Variants in BTD observed in about 807,000 individuals in gnomAD.
BTD encodes biocytinase.
BTD carries 13 observed loss-of-function variants against 17.7 expected under a neutral mutation model. The ratio of observed to expected loss-of-function variants is 0.74; its 90% CI spans 0.48 to 1.17. BTD has a LOEUF of 1.17. BTD is among the 50% of genes most tolerant of loss of function. The pLI is 0.00. For missense variants in BTD, 674 were observed against 650.4 expected (o/e 1.04, Z -0.39); for synonymous variants, 240 against 245.2 (o/e 0.98, Z 0.20).
intron 3 of BTD, among the ~76,000 whole-genome samples, chr3:15,703,582 G>A (rs1403250431): frequency 6.6e-6 from 1 of 152,200 alleles, no homozygotes; most frequent in Non-Finnish European, 1.5e-5. Flanking sequence ...GAATGTGCTG[G>A]TGCCTTGATA....
intron 3 of BTD, chr3:15,667,904 A>G (rs1429341274): frequency 1.3e-5 from 2 of 152,234 alleles, no homozygotes; most frequent in Non-Finnish European, 2.9e-5. Flanking sequence ...ATTTCATTAG[A>G]TGTGGTAAAT....
At chr3:15,706,717 G>T (rs1203158911) in intron 3 of BTD, among the ~76,000 whole-genome samples, 2 of 152,184 alleles carry the variant, frequency 1.3e-5, no homozygotes, top group African/African-American at 4.8e-5. Flanking sequence ...CAGTATAAAA[G>T]TGTTCCTATT....
At chr3:15,605,477 T>TA (rs2064420814) in intron 1 of BTD, among the ~76,000 whole-genome samples, 1 of 152,170 alleles carries the variant, frequency 6.6e-6, no homozygotes, top group South Asian at 2.1e-4. Context: ...AACCAAACCA[T>TA]ATCAGGGACC....
chr3:15,670,225 C>A, intron 3 of BTD: 1 of 1,578,180 alleles, frequency 6.3e-7, no homozygotes, highest in African/African-American at 1.4e-5. Flanking sequence ...CCTGAAAAAG[C>A]ACAGTTTGAA....
At chr3:15,679,335 C>T in intron 3 of BTD, 2 of 1,613,962 alleles carry the variant, frequency 1.2e-6, no homozygotes, top group Non-Finnish European at 1.7e-6. Flanking sequence ...ACAATGCTGG[C>T]ACCTAATGTA....
chr3:15,643,969 A>AATTAATTTATTT (rs1403294175), intron 3 of BTD, among the ~76,000 whole-genome samples: 1 of 138,014 alleles, frequency 7.2e-6, no homozygotes, highest in Admixed American at 7.3e-5. Flanking sequence ...TCATTTATTT[A>AATTAATTTATTT]ATTTATTTAT....
Position 15,621,923 on chromosome 3 carries a change from A to G in BTD, c.-16-13501A>G, listed in dbSNP as rs542910270. ...ACATCAGTTTCTTAAATTGACATCT[A>G]GGTTATCAAATTTTGGGGCATAAAG... is the stretch of plus-strand genomic sequence containing the variant. On this transcript the variant is annotated intron_variant, in intron 1 of 3. Transcript: ENST00000643237. Among the ~76,000 whole-genome samples, 9 of 152,280 alleles carry G rather than the reference A, an allele frequency of 5.9e-5. No individual in the cohort carries two copies. In the South Asian group the frequency reaches 1.5e-3, roughly 25 times the overall value.
intron 1 of BTD, chr3:15,602,341 TGCTACTAATCCATA>T: frequency 9.6e-7 from 1 of 1,039,122 alleles, no homozygotes; most frequent in Non-Finnish European, 1.2e-6. Context: ...CTCCAGCCCT[TGCTACTAATCCATA>T]TTACTCTCCG....
At chr3:15,702,344 T>C (rs1301862698) in intron 3 of BTD, among the ~76,000 whole-genome samples, 1 of 152,150 alleles carries the variant, frequency 6.6e-6, no homozygotes, top group Non-Finnish European at 1.5e-5. Context: ...GTGAACTTCA[T>C]TAGAGGGTGG....
intron 1 of BTD, among the ~76,000 whole-genome samples, chr3:15,602,491 C>T (rs2064295857): frequency 1.3e-5 from 2 of 152,298 alleles, no homozygotes; most frequent in African/African-American, 4.8e-5. Context: ...TTGCAATGTG[C>T]AATATCTGAA....
At position 15,653,482 on chromosome 3, in the gene BTD, C is replaced by T. The variant is rs1296826417; in HGVS notation, c.*7994C>T. ...TAATGCACAGCCAGTGTTTCAACGT[C>T]GCCAACCCAGAAATGTTTTCTCTCC... is the stretch of plus-strand genomic sequence containing the variant. On this transcript the variant is annotated 3_prime_UTR_variant, in exon 4 of 4. Coordinates refer to ENST00000643237, the MANE Select transcript of BTD (RefSeq NM_001370658.1). Among the ~76,000 whole-genome samples, 3 of 152,252 alleles carry T rather than the reference C, an allele frequency of 2.0e-5. No individual in the cohort carries two copies. Among genetic ancestry groups the T allele is most frequent in the Non-Finnish European group, 2.9e-5 (2 of 68,044 alleles).
chr3:15,608,888 T>C (rs191236333), intron 1 of BTD, among the ~76,000 whole-genome samples: 2 of 152,334 alleles, frequency 1.3e-5, no homozygotes, highest in African/African-American at 4.8e-5. Flanking sequence ...TGTTGAAATA[T>C]TTTCTGTTTT....
chr3:15,645,805 A>T lies in BTD; in HGVS notation c.*317A>T. 4 of 255,166 alleles carry T rather than the reference A, an allele frequency of 1.6e-5. No homozygotes were observed. Among genetic ancestry groups the T allele is most frequent in the Non-Finnish European group, 2.2e-5 (3 of 134,182 alleles). 15.8% of individuals were successfully genotyped at this position (255,166 alleles called of 1,614,324 possible). A position where few individuals can be genotyped will look rare whatever the true frequency, so the allele number is the denominator to read the frequency against. On this transcript the variant is annotated 3_prime_UTR_variant, in exon 4 of 4. Coordinates refer to ENST00000643237, the MANE Select transcript of BTD (RefSeq NM_001370658.1). ...AAAACAAAAATAAATGTCAGTTTAT[A>T]TTTTACACATCCACAAAGCAGTGGC...
At chr3:15,680,118 T>C (rs951189344) in intron 3 of BTD, among the ~76,000 whole-genome samples, 14 of 152,220 alleles carry the variant, frequency 9.2e-5, no homozygotes, top group Non-Finnish European at 2.1e-4. Flanking sequence ...TTTATTTTTT[T>C]CTTAATGGCA....
chr3:15,690,676 C>T (rs1443681822), intron 3 of BTD, among the ~76,000 whole-genome samples: 1 of 152,106 alleles, frequency 6.6e-6, no homozygotes, highest in Non-Finnish European at 1.5e-5. Flanking sequence ...GTGATCCTCC[C>T]ACCTCAGCCT....
At chr3:15,714,666 G>A (rs200819732), downstream of BTD, 148 of 1,572,764 alleles carry the variant, frequency 9.4e-5, no homozygotes, top group Non-Finnish European at 1.1e-4. Context: ...TCTGGGGGGG[G>A]AAGAAAAAAA....
intron 3 of BTD, chr3:15,670,095 T>C: frequency 1.5e-6 from 1 of 652,430 alleles, no homozygotes; most frequent in East Asian, 2.8e-5. Flanking sequence ...TAGAAGTTCC[T>C]TTTGTAAAAC....
intron 1 of BTD, among the ~76,000 whole-genome samples, chr3:15,609,124 A>C (rs1238657981): frequency 6.6e-6 from 1 of 152,146 alleles, no homozygotes; most frequent in Non-Finnish European, 1.5e-5. Context: ...ATAACGTTTG[A>C]GTTCTTCTTT....
intron 3 of BTD, among the ~76,000 whole-genome samples, chr3:15,664,244 A>T (rs149935623): frequency 4.5e-4 from 68 of 152,256 alleles, no homozygotes; most frequent in African/African-American, 1.5e-3. Context: ...ATGATAGTGG[A>T]TTCATCTATT....
Sources: gnomAD v4.1 joint callset for allele counts (sites outside exome capture counted in the v4.1 genomes callset) on GRCh38, gnomAD v4.1.1 for gene constraint, MANE v1.5 for transcripts, NCBI Gene and HGNC (gene_info 2026-07-23, HGNC 2026-07-21) for gene names.